CFAP299: variants seen among roughly 807,000 people sequenced by gnomAD.
CFAP299 encodes cilia- and flagella-associated protein 299.
CFAP299 carries 21 observed loss-of-function variants against 27.0 expected under a neutral mutation model. That is an observed-to-expected ratio of 0.78 (90% CI 0.55 to 1.12). The LOEUF is 1.12. CFAP299 is among the 50% of genes most tolerant of loss of function. The probability of loss-of-function intolerance (pLI) is 0.00; values close to 1 mark genes in which losing one functional copy is unlikely to be tolerated. For missense variants in CFAP299, 310 were observed against 276.6 expected (o/e 1.12, Z -0.86); for synonymous variants, 104 against 98.1 (o/e 1.06, Z -0.36).
intron 4 of CFAP299, among the ~76,000 whole-genome samples, chr4:80,902,339 CATATATATGG>C (rs1361750768): frequency 7.0e-6 from 1 of 143,092 alleles, no homozygotes; most frequent in African/African-American, 2.6e-5. Flanking sequence ...TTATTTTATC[CATATATATGG>C]ATATATATGG....
intron 3 of CFAP299, among the ~76,000 whole-genome samples, chr4:80,687,735 G>A (rs1196549669): frequency 3.9e-5 from 6 of 152,186 alleles, no homozygotes; most frequent in Admixed American, 1.3e-4. Context: ...CAGCGTGAGC[G>A]ACGCAGAAGA....
intron 4 of CFAP299, among the ~76,000 whole-genome samples, chr4:80,910,426 T>C (rs2110202895): frequency 6.6e-6 from 1 of 152,234 alleles, no homozygotes; most frequent in South Asian, 2.1e-4. Context: ...TTAACCTAAA[T>C]GTCTATCAAC....
chr4:80,766,639 AC>A (rs1725879370), intron 3 of CFAP299, among the ~76,000 whole-genome samples: 1 of 152,108 alleles, frequency 6.6e-6, no homozygotes, highest in Admixed American at 6.6e-5. Context: ...AGGCCTTTTG[AC>A]TCCACTTCCT....
intron 3 of CFAP299, among the ~76,000 whole-genome samples, chr4:80,733,628 C>A (rs1723673792): frequency 6.6e-6 from 1 of 152,034 alleles, no homozygotes; most frequent in African/African-American, 2.4e-5. Context: ...CTACTCTTCC[C>A]AGCCTCTGTG....
At chr4:80,914,108 T>A (rs1245336848) in intron 4 of CFAP299, among the ~76,000 whole-genome samples, 1 of 152,202 alleles carries the variant, frequency 6.6e-6, no homozygotes, top group African/African-American at 2.4e-5. Context: ...CTATGGACAT[T>A]TGAATTCCTC....
chr4:80,503,391 C>G (rs1179598057), intron 2 of CFAP299, among the ~76,000 whole-genome samples: 1 of 152,090 alleles, frequency 6.6e-6, no homozygotes, highest in Non-Finnish European at 1.5e-5. Context: ...ACCCAATATC[C>G]AAAGCCCAAT....
chr4:80,407,541 T>C (rs1380715627), intron 2 of CFAP299, among the ~76,000 whole-genome samples: 2 of 152,174 alleles, frequency 1.3e-5, no homozygotes, highest in Non-Finnish European at 2.9e-5. Flanking sequence ...AGGGATCTAA[T>C]GGAGAAAGGC....
chr4:80,923,480 A>C (rs1354581216), intron 4 of CFAP299, among the ~76,000 whole-genome samples: 1 of 152,052 alleles, frequency 6.6e-6, no homozygotes, highest in African/African-American at 2.4e-5. Flanking sequence ...AAGTATTCTC[A>C]AACATGAAAA....
intron 1 of CFAP299, among the ~76,000 whole-genome samples, chr4:80,350,678 C>T (rs1722971367): frequency 6.6e-6 from 1 of 152,130 alleles, no homozygotes; most frequent in South Asian, 2.1e-4. Context: ...CAAACTAACA[C>T]AGGAACAGAA....
Position 80,391,234 on chromosome 4 carries a change from C to G in CFAP299, c.242+28350C>G, listed in dbSNP as rs374507336. Among the ~76,000 whole-genome samples the G allele has an allele frequency of 3.9e-5, 6 of 152,066 alleles. No individual in the cohort carries two copies. In the East Asian group the frequency reaches 1.2e-3, roughly 29 times the overall value. On this transcript the variant is annotated intron_variant, in intron 2 of 5. Transcript: ENST00000358105. ...TGATAATTTCATTTCCTTGTATACT[C>G]AGAACTTGGATTGCTGGATTATGTG...
intron 3 of CFAP299, among the ~76,000 whole-genome samples, chr4:80,675,416 C>T (rs1393071844): frequency 6.6e-6 from 1 of 152,202 alleles, no homozygotes; most frequent in African/African-American, 2.4e-5. Flanking sequence ...CCTCTGGAAG[C>T]TTCCTCCCAG....
intron 1 of CFAP299, among the ~76,000 whole-genome samples, chr4:80,339,643 G>T (rs992875310): frequency 6.6e-6 from 1 of 152,162 alleles, no homozygotes; most frequent in Non-Finnish European, 1.5e-5. Context: ...TCAGCAATTA[G>T]ATTTTCCTCT....
chr4:80,837,440 C>G (rs1256515760), intron 3 of CFAP299, among the ~76,000 whole-genome samples: 1 of 152,108 alleles, frequency 6.6e-6, no homozygotes, highest in Non-Finnish European at 1.5e-5. Flanking sequence ...CCCGTAGCCC[C>G]CCAACCCCCG....
At chr4:80,767,195 TAAA>T (rs934162383) in intron 3 of CFAP299, among the ~76,000 whole-genome samples, 4 of 152,128 alleles carry the variant, frequency 2.6e-5, no homozygotes, top group Admixed American at 6.5e-5. Flanking sequence ...ATATATATAA[TAAA>T]GTTTAATTTA....
At chr4:80,587,466 A>G (rs868847119) in intron 3 of CFAP299, among the ~76,000 whole-genome samples, 12 of 152,232 alleles carry the variant, frequency 7.9e-5, no homozygotes, top group African/African-American at 2.4e-4. Context: ...ACATTTCTCA[A>G]CTCAACACAG....
At chr4:80,332,121 C>A (rs10009812), upstream of CFAP299, among the ~76,000 whole-genome samples, 31,640 of 152,118 alleles carry the variant, frequency 0.21, 5,697 homozygotes, top group African/African-American at 0.49. Flanking sequence ...GTCAAGCAGT[C>A]TGAGGACAGA....
At chr4:80,424,986 C>T (rs1727465647) in intron 2 of CFAP299, among the ~76,000 whole-genome samples, 2 of 152,100 alleles carry the variant, frequency 1.3e-5, no homozygotes, top group African/African-American at 4.8e-5. Context: ...TTCCAGGAGA[C>T]TCTTCGGTGC....
chr4:80,575,288 C>T (rs1342371628), intron 2 of CFAP299, among the ~76,000 whole-genome samples: 1 of 151,844 alleles, frequency 6.6e-6, no homozygotes, highest in African/African-American at 2.4e-5. Flanking sequence ...CTTTGAATTT[C>T]TGCAGTATCA....
chr4:80,859,477 C>A (rs998509504), intron 3 of CFAP299, among the ~76,000 whole-genome samples: 1 of 151,326 alleles, frequency 6.6e-6, no homozygotes, highest in African/African-American at 2.4e-5. Flanking sequence ...TTATTTTGCT[C>A]GTTAGTTGAT....
Sources: allele counts gnomAD v4.1 joint callset (sites outside exome capture counted in the v4.1 genomes callset), GRCh38; gene constraint gnomAD v4.1.1; transcripts MANE v1.5; gene names NCBI Gene and HGNC (gene_info 2026-07-23, HGNC 2026-07-21).